Variants in GNE observed in about 807,000 individuals in gnomAD.
GNE encodes the protein glucosamine (UDP-N-acetyl)-2-epimerase/N-acetylmannosamine kinase, also known as bifunctional UDP-N-acetylglucosamine 2-epimerase/N-acetylmannosamine kinase.
In GNE, 41 loss-of-function variants were observed where a neutral mutation model predicts 61.8. That is an observed-to-expected ratio of 0.66 (90% CI 0.52 to 0.86). GNE has a LOEUF of 0.86. Among genes scored for constraint, GNE ranks in the 40% least tolerant of loss-of-function variants. The probability of loss-of-function intolerance (pLI) is 0.00; values close to 1 mark genes in which losing one functional copy is unlikely to be tolerated. For synonymous variants in GNE, 264 were observed against 326.4 expected, an observed-to-expected ratio of 0.81 and a Z score of 2.06; for missense variants, 608 against 909.1, an observed-to-expected ratio of 0.67 and a Z score of 4.26.
At position 36,217,304 on chromosome 9, in the gene GNE, G is replaced by T; in HGVS notation, c.*61C>A. The T allele has an allele frequency of 9.1e-7, 1 of 1,103,362 alleles. No homozygotes were observed. The highest frequency in any genetic ancestry group is 1.9e-5 in the Admixed American group (1 of 53,442). 68.3% of individuals were successfully genotyped at this position (1,103,362 alleles called of 1,614,324 possible). On this transcript the variant is annotated 3_prime_UTR_variant, in exon 12 of 12. Transcript: ENST00000642385. ...ATTGTTAAGAAACGGTCATCCTAAA[G>T]ACAAGAACTTGATTCCACTCAGGAG... is the stretch of plus-strand genomic sequence containing the variant.
chr9:36,216,054 G>GT lies in GNE; in HGVS notation c.*1310dup, dbSNP rs1469785129. On this transcript the variant is annotated 3_prime_UTR_variant, in exon 12 of 12. Coordinates refer to ENST00000642385, the MANE Select transcript of GNE (RefSeq NM_005476.7). The stretch of plus-strand genomic sequence containing the variant: ...TTAGATCCCTGGTCTAAAGTCTCTT[G>GT]TAAGTTCAGCTAGAGTAATAACATC... 3.3e-6 allele frequency: 1 copy of GT among 305,182 alleles called. No individual in the cohort carries two copies. Among genetic ancestry groups the GT allele is most frequent in the African/African-American group, 2.2e-5 (1 of 45,328 alleles). The allele number at this position is 305,182 out of a possible 1,614,324, so 18.9% of individuals were successfully genotyped here.
intron 5 of GNE, 192 bp downstream of exon 5, chr9:36,233,728 A>C: frequency 1.5e-6 from 1 of 666,290 alleles, no homozygotes; most frequent in Non-Finnish European, 2.7e-6. Context: ...ATAAAATGTA[A>C]GTAGAGATCT....
intron 1 of GNE, among the ~76,000 whole-genome samples, chr9:36,257,313 G>C (rs1320802441): frequency 1.3e-5 from 2 of 152,064 alleles, no homozygotes; most frequent in Non-Finnish European, 2.9e-5. Flanking sequence ...GGACTCAAAG[G>C]AATAAGAAGG....
chr9:36,237,103 G>GT (rs2133079019), intron 3 of GNE, 119 bp from the exon 4 acceptor site: 1 of 804,988 alleles, frequency 1.2e-6, no homozygotes, highest in African/African-American at 1.7e-5. Context: ...GATAGAAACA[G>GT]TTTGTCAAAT....
chr9:36,265,728 A>C (rs962976642), intron 1 of GNE, among the ~76,000 whole-genome samples: 2 of 152,114 alleles, frequency 1.3e-5, no homozygotes, highest in Non-Finnish European at 2.9e-5. Context: ...TTTCAGGATG[A>C]AACTGTTCTA....
chr9:36,272,939 G>C (rs1321043365), intron 1 of GNE, among the ~76,000 whole-genome samples: 2 of 129,098 alleles, frequency 1.5e-5, no homozygotes, highest in Non-Finnish European at 1.6e-5. Context: ...AAAAAAAAAA[G>C]CTGGGCATGG....
At chr9:36,232,834 A>G (rs1829233372) in intron 5 of GNE, among the ~76,000 whole-genome samples, 1 of 152,198 alleles carries the variant, frequency 6.6e-6, no homozygotes, top group African/African-American at 2.4e-5. Context: ...TTCTTGGTCT[A>G]GTTTATTGCC....
intron 1 of GNE, among the ~76,000 whole-genome samples, chr9:36,274,720 C>CTTT (rs1195507916): frequency 8.3e-5 from 12 of 143,996 alleles, no homozygotes; most frequent in Middle Eastern, 3.7e-3. Context: ...GTTTCACATT[C>CTTT]TTTTTTTTTT....
intron 3 of GNE, among the ~76,000 whole-genome samples, chr9:36,244,684 T>C (rs1165963024): frequency 2.0e-5 from 3 of 151,872 alleles, no homozygotes; most frequent in Non-Finnish European, 4.4e-5. Flanking sequence ...ATGCCTGTAA[T>C]CTCAGCACTT....
chr9:36,234,883 A>G (rs1425512526), intron 4 of GNE, among the ~76,000 whole-genome samples: 1 of 152,114 alleles, frequency 6.6e-6, no homozygotes, highest in Non-Finnish European at 1.5e-5. Flanking sequence ...TTGTGTTGCA[A>G]GGTAGGTAAA....
intron 1 of GNE, among the ~76,000 whole-genome samples, chr9:36,266,770 G>A (rs1446600393): frequency 3.9e-5 from 6 of 152,328 alleles, no homozygotes; most frequent in South Asian, 2.1e-4. Context: ...TTAGCCGGGC[G>A]TGGTGGCGGG....
chr9:36,276,783 T>TTAA, intron 1 of GNE: 6 of 818,446 alleles, frequency 7.3e-6, no homozygotes, highest in South Asian at 6.6e-5. Flanking sequence ...ATGGATTTGA[T>TTAA]AGATTTAAAA....
chr9:36,275,752 T>C (rs1383148910), intron 1 of GNE, among the ~76,000 whole-genome samples: 1 of 152,132 alleles, frequency 6.6e-6, no homozygotes, highest in African/African-American at 2.4e-5. Flanking sequence ...TCAATTTAAG[T>C]GTGCTAATAA....
chr9:36,223,337 A>T (rs1828695049), intron 8 of GNE, 36 bp downstream of exon 8: 1 of 1,585,392 alleles, frequency 6.3e-7, no homozygotes, highest in South Asian at 1.1e-5. Context: ...GTACATTAAA[A>T]TGAGCATTTC....
intron 3 of GNE, among the ~76,000 whole-genome samples, chr9:36,237,343 GAAT>G (rs1314646664): frequency 6.6e-6 from 1 of 152,156 alleles, no homozygotes; most frequent in Non-Finnish European, 1.5e-5. Flanking sequence ...CAATATCAAT[GAAT>G]AATAATATGT....
At chr9:36,262,350 G>GAATTT (rs992564020), upstream of GNE, among the ~76,000 whole-genome samples, 112 of 152,010 alleles carry the variant, frequency 7.4e-4, 9 homozygotes, top group Non-Finnish European at 5.9e-5. Flanking sequence ...AATCTTTTTA[G>GAATTT]AATTTTCTTC....
chr9:36,232,026 A>G (rs576906770), intron 5 of GNE, among the ~76,000 whole-genome samples: 34 of 152,304 alleles, frequency 2.2e-4, no homozygotes, highest in Non-Finnish European at 2.9e-5. Context: ...TTAAAGGAAA[A>G]AGAACTGGAC....
intron 2 of GNE, among the ~76,000 whole-genome samples, chr9:36,248,732 G>T (rs1257973080): frequency 3.3e-5 from 5 of 152,112 alleles, no homozygotes; most frequent in Admixed American, 3.3e-4. Flanking sequence ...TTGCAGATTA[G>T]ATTTTTAAAA....
chr9:36,220,784 A>C (rs1480340087), intron 9 of GNE, among the ~76,000 whole-genome samples: 1 of 152,246 alleles, frequency 6.6e-6, no homozygotes, highest in Non-Finnish European at 1.5e-5. Flanking sequence ...GTGATTCAAT[A>C]ATTATAAATA....
Sources: allele counts gnomAD v4.1 joint callset (sites outside exome capture counted in the v4.1 genomes callset), GRCh38; gene constraint gnomAD v4.1.1; transcripts MANE v1.5; gene names NCBI Gene and HGNC (gene_info 2026-07-23, HGNC 2026-07-21).